PTPRD: variants seen among roughly 807,000 people sequenced by gnomAD.
The protein encoded by PTPRD is receptor-type tyrosine-protein phosphatase delta.
In PTPRD, 34 loss-of-function variants were observed where a neutral mutation model predicts 214.5. The observed-to-expected ratio is 0.16, with a 90% CI of 0.12 to 0.21. The LOEUF (loss-of-function observed/expected upper bound fraction) is 0.21. PTPRD is among the 10% of genes least tolerant of loss of function. The probability of loss-of-function intolerance (pLI) is 1.00; values close to 1 mark genes in which losing one functional copy is unlikely to be tolerated. For missense variants in PTPRD, 2,545 were observed against 2,398.7 expected, an observed-to-expected ratio of 1.06 and a Z score of -1.27; for synonymous variants, 1,128 against 845.7, an observed-to-expected ratio of 1.33 and a Z score of -5.79.
At chr9:10,206,450 T>C (rs1049354740) in intron 3 of PTPRD, among the ~76,000 whole-genome samples, 4 of 152,210 alleles carry the variant, frequency 2.6e-5, no homozygotes, top group African/African-American at 9.6e-5. Flanking sequence ...TATATCAGGC[T>C]ATTGAAACAG....
intron 7 of PTPRD, among the ~76,000 whole-genome samples, chr9:9,583,460 C>T (rs1327175473): frequency 6.6e-6 from 1 of 151,968 alleles, no homozygotes; most frequent in Non-Finnish European, 1.5e-5. Flanking sequence ...GTCCTCTGAA[C>T]CCTTTTTCAT....
intron 33 of PTPRD, among the ~76,000 whole-genome samples, chr9:8,455,411 C>T (rs1300731287): frequency 6.6e-6 from 1 of 152,106 alleles, no homozygotes; most frequent in Non-Finnish European, 1.5e-5. Context: ...TGTAAATAAC[C>T]ATATTATTTC....
At chr9:8,340,125 G>A (rs1439292885) in intron 42 of PTPRD, among the ~76,000 whole-genome samples, 1 of 152,104 alleles carries the variant, frequency 6.6e-6, no homozygotes, top group Admixed American at 6.6e-5. Flanking sequence ...TGCTTCACTG[G>A]AAACAAATCA....
chr9:8,635,034 A>C (rs2096385305), intron 13 of PTPRD, among the ~76,000 whole-genome samples: 1 of 148,388 alleles, frequency 6.7e-6, no homozygotes, highest in African/African-American at 2.5e-5. Flanking sequence ...GTAATACCAT[A>C]TATATTGTTT....
intron 11 of PTPRD, among the ~76,000 whole-genome samples, chr9:8,927,330 A>G (rs2098907085): frequency 6.6e-6 from 1 of 152,088 alleles, no homozygotes; most frequent in Admixed American, 6.6e-5. Flanking sequence ...CCATCAACCC[A>G]TCATCTACAT....
chr9:8,959,866 A>C (rs1355123582), intron 11 of PTPRD, among the ~76,000 whole-genome samples: 1 of 152,018 alleles, frequency 6.6e-6, no homozygotes, highest in Non-Finnish European at 1.5e-5. Flanking sequence ...AGTTTTATAA[A>C]ATTAGTTAAA....
chr9:9,425,039 C>T (rs1003173926), intron 8 of PTPRD, among the ~76,000 whole-genome samples: 1 of 152,098 alleles, frequency 6.6e-6, no homozygotes, highest in Non-Finnish European at 1.5e-5. Context: ...TTAAGCTTAC[C>T]AAGGTCTTGC....
At chr9:8,625,234 T>C (rs1316393463) in intron 14 of PTPRD, among the ~76,000 whole-genome samples, 1 of 151,842 alleles carries the variant, frequency 6.6e-6, no homozygotes, top group Non-Finnish European at 1.5e-5. Context: ...AACATACATA[T>C]ATGCAAATAT....
chr9:9,816,313 C>T (rs768422716), intron 5 of PTPRD, among the ~76,000 whole-genome samples: 8 of 151,798 alleles, frequency 5.3e-5, no homozygotes, highest in Non-Finnish European at 1.0e-4. Context: ...TAATAAAGAC[C>T]TATAATGTAT....
chr9:9,793,872 G>A (rs1368699566), intron 5 of PTPRD, among the ~76,000 whole-genome samples: 1 of 151,828 alleles, frequency 6.6e-6, no homozygotes, highest in African/African-American at 2.4e-5. Flanking sequence ...GGATAAAATG[G>A]GACTTTTAGT....
At chr9:10,101,135 A>T (rs2154213581) in intron 3 of PTPRD, among the ~76,000 whole-genome samples, 1 of 151,746 alleles carries the variant, frequency 6.6e-6, no homozygotes, top group African/African-American at 2.4e-5. Context: ...CCTATAACAC[A>T]GGTGAGAAAG....
intron 11 of PTPRD, among the ~76,000 whole-genome samples, chr9:8,954,379 A>G (rs1045212852): frequency 1.3e-5 from 2 of 151,782 alleles, no homozygotes; most frequent in African/African-American, 4.8e-5. Context: ...CTGAAAACCT[A>G]CCTATTGGGT....
intron 2 of PTPRD, among the ~76,000 whole-genome samples, chr9:10,598,711 G>GTGGTGTGTGGTGTGT (rs57068953): frequency 7.3e-6 from 1 of 137,076 alleles, no homozygotes; most frequent in Non-Finnish European, 1.6e-5. Flanking sequence ...TGTGGTGTGT[G>GTGGTGTGTGGTGTGT]GTGTGTGTGT....
At chr9:9,602,664 A>G (rs1042620161) in intron 7 of PTPRD, among the ~76,000 whole-genome samples, 55 of 152,146 alleles carry the variant, frequency 3.6e-4, no homozygotes, top group African/African-American at 1.3e-3. Context: ...ATATACAAGC[A>G]TTCTTTTGTT....
chr9:10,339,048 G>C (rs2096893200), intron 3 of PTPRD, among the ~76,000 whole-genome samples: 1 of 151,646 alleles, frequency 6.6e-6, no homozygotes, highest in Non-Finnish European at 1.5e-5. Flanking sequence ...CAAGATCATA[G>C]ACAATAAGCA....
chr9:9,816,701 G>T (rs1400080407), intron 5 of PTPRD, among the ~76,000 whole-genome samples: 3 of 151,980 alleles, frequency 2.0e-5, no homozygotes, highest in Non-Finnish European at 4.4e-5. Flanking sequence ...AAACTTTTCT[G>T]GGATGCCTTA....
At chr9:10,293,504 G>C (rs936818247) in intron 3 of PTPRD, among the ~76,000 whole-genome samples, 19 of 151,786 alleles carry the variant, frequency 1.3e-4, no homozygotes, top group African/African-American at 4.6e-4. Flanking sequence ...AAAACACGTA[G>C]GATATTAAAT....
At chr9:8,483,712 G>A (rs1245019915) in intron 30 of PTPRD, among the ~76,000 whole-genome samples, 1 of 152,226 alleles carries the variant, frequency 6.6e-6, no homozygotes, top group Non-Finnish European at 1.5e-5. Flanking sequence ...CCGGGAGGTG[G>A]AGGTTGCAGT....
At chr9:8,928,283 T>TATG (rs1239149539) in intron 11 of PTPRD, among the ~76,000 whole-genome samples, 1 of 152,202 alleles carries the variant, frequency 6.6e-6, no homozygotes, top group Non-Finnish European at 1.5e-5. Context: ...TGCCCATGCC[T>TATG]ATGTCCTGAA....
Sources: gnomAD v4.1 joint callset for allele counts (sites outside exome capture counted in the v4.1 genomes callset) on GRCh38, gnomAD v4.1.1 for gene constraint, MANE v1.5 for transcripts, NCBI Gene and HGNC (gene_info 2026-07-23, HGNC 2026-07-21) for gene names.